Variants in GPHN observed in about 807,000 individuals in gnomAD.
GPHN encodes gephyrin.
Under a neutral mutation model 95.5 loss-of-function variants are expected in GPHN, and 17 were observed. The ratio of observed to expected loss-of-function variants is 0.18; its 90% CI spans 0.12 to 0.27. GPHN has a LOEUF of 0.27. GPHN is among the 10% of genes least tolerant of loss of function. The pLI is 1.00. For missense variants in GPHN, 660 were observed against 978.1 expected, an observed-to-expected ratio of 0.67 and a Z score of 4.34; for synonymous variants, 320 against 322.5, an observed-to-expected ratio of 0.99 and a Z score of 0.08.
intron 3 of GPHN, among the ~76,000 whole-genome samples, chr14:66,805,331 C>A (rs2060504326): frequency 6.6e-6 from 1 of 152,164 alleles, no homozygotes; most frequent in Non-Finnish European, 1.5e-5. Context: ...TGGGGGAATT[C>A]AAGATGAAAT....
At chr14:66,737,037 G>A (rs2072358008) in intron 2 of GPHN, among the ~76,000 whole-genome samples, 1 of 152,042 alleles carries the variant, frequency 6.6e-6, no homozygotes, top group South Asian at 2.1e-4. Flanking sequence ...GGGAACCCTG[G>A]TTGGTTATTT....
intron 3 of GPHN, among the ~76,000 whole-genome samples, chr14:66,814,504 C>G (rs183154318): frequency 5.4e-4 from 82 of 152,264 alleles, no homozygotes; most frequent in African/African-American, 1.9e-3. Flanking sequence ...TGCAAGTCCC[C>G]CAGAGTTAGA....
chr14:67,176,428 C>G (rs754856370), intron 21 of GPHN, among the ~76,000 whole-genome samples: 1 of 152,106 alleles, frequency 6.6e-6, no homozygotes, highest in Non-Finnish European at 1.5e-5. Flanking sequence ...GGATGAAGCC[C>G]ACTTGATCGT....
the GPHN span, among the ~76,000 whole-genome samples, chr14:67,203,458 G>C: frequency 6.6e-6 from 1 of 152,202 alleles, no homozygotes; most frequent in South Asian, 2.1e-4. Flanking sequence ...GTGAAATCAT[G>C]TATGACAATG....
intron 18 of GPHN, among the ~76,000 whole-genome samples, chr14:67,153,461 T>C (rs1266054597): frequency 6.6e-6 from 1 of 152,204 alleles, no homozygotes; most frequent in African/African-American, 2.4e-5. Context: ...GCTAACTCTC[T>C]GGCCTCTTCT....
chr14:67,507,295 G>A, the GPHN span, among the ~76,000 whole-genome samples: 1 of 152,190 alleles, frequency 6.6e-6, no homozygotes, highest in Non-Finnish European at 1.5e-5. Flanking sequence ...GCTACAGTGA[G>A]CTATGATTAT....
the GPHN span, chr14:67,714,982 A>G: frequency 6.6e-6 from 1 of 152,294 alleles, no homozygotes; most frequent in Non-Finnish European, 1.5e-5. Context: ...TAAAGGCAAG[A>G]TTCTTGCTGA....
intron 1 of GPHN, among the ~76,000 whole-genome samples, chr14:66,663,516 A>G (rs948553370): frequency 1.3e-5 from 2 of 152,232 alleles, no homozygotes; most frequent in Non-Finnish European, 2.9e-5. Flanking sequence ...CAGCCACTAC[A>G]AAAGCACACT....
intron 2 of GPHN, among the ~76,000 whole-genome samples, chr14:66,771,038 T>G (rs965637435): frequency 6.6e-6 from 1 of 152,110 alleles, no homozygotes; most frequent in Non-Finnish European, 1.5e-5. Flanking sequence ...TCTCAGTTCT[T>G]TCACCATCTT....
chr14:67,139,103 A>C (rs1335177830), intron 17 of GPHN, among the ~76,000 whole-genome samples: 1 of 151,580 alleles, frequency 6.6e-6, no homozygotes, highest in Middle Eastern at 3.2e-3. Flanking sequence ...GACATTTGTA[A>C]TCCCAGATGC....
At chr14:66,876,367 A>G (rs1199644683) in intron 4 of GPHN, among the ~76,000 whole-genome samples, 1 of 152,166 alleles carries the variant, frequency 6.6e-6, no homozygotes. Flanking sequence ...AACAAATTCA[A>G]AAGCTAGCAG....
rs530042373 is a variant in GPHN, at chr14:66,585,246, A to AT, written c.64+76661dup. 1.9e-3 allele frequency among the ~76,000 whole-genome samples: 283 copies of AT among 151,900 alleles called. 3 individuals are homozygous for AT. Among genetic ancestry groups the AT allele is most frequent in the African/African-American group, 6.7e-3 (277 of 41,410 alleles). ...GATCGGTGATGATATCCCCTTTGTT[A>AT]TTTTTTGTCACGTCTATTTGATTCT... On this transcript the variant is annotated intron_variant, in intron 1 of 22. Transcript: ENST00000478722.
At chr14:67,026,381 GATA>G (rs1284075885) in intron 10 of GPHN, among the ~76,000 whole-genome samples, 2 of 152,128 alleles carry the variant, frequency 1.3e-5, no homozygotes, top group East Asian at 1.9e-4. Flanking sequence ...TTATTTTCTT[GATA>G]ATGATGATGA....
chr14:67,625,382 T>C, the GPHN span, among the ~76,000 whole-genome samples: 1 of 152,040 alleles, frequency 6.6e-6, no homozygotes, highest in African/African-American at 2.4e-5. Context: ...CAAAGAGCAC[T>C]ATTAAGAAAG....
At chr14:67,076,495 A>C (rs1285755903) in intron 11 of GPHN, among the ~76,000 whole-genome samples, 1 of 152,140 alleles carries the variant, frequency 6.6e-6, no homozygotes, top group East Asian at 1.9e-4. Flanking sequence ...AAATCTGTAC[A>C]TGCTTCACCT....
chr14:66,854,609 T>C lies in GPHN; in HGVS notation c.295-25330T>C, dbSNP rs569060716. Among the ~76,000 whole-genome samples the C allele has an allele frequency of 2.0e-5, 3 of 152,346 alleles. No homozygotes were observed. In the South Asian group the frequency reaches 6.2e-4, roughly 32 times the overall value. On this transcript the variant is annotated intron_variant, in intron 4 of 22. Transcript: ENST00000478722. ...CATGGCAATTTTTTGAAAGGTGTTA[T>C]GCAAAGTCTCAACATATACCATTAA...
intron 10 of GPHN, among the ~76,000 whole-genome samples, chr14:67,034,565 C>T (rs1055458963): frequency 3.3e-5 from 5 of 151,934 alleles, no homozygotes; most frequent in Non-Finnish European, 7.4e-5. Context: ...GATGTAAAGA[C>T]ACATATAGGC....
At chr14:66,878,134 C>G (rs2063754386) in intron 4 of GPHN, among the ~76,000 whole-genome samples, 1 of 152,160 alleles carries the variant, frequency 6.6e-6, no homozygotes, top group Admixed American at 6.6e-5. Flanking sequence ...AAAGAATTTT[C>G]TATTTAATAA....
Position 67,168,974 on chromosome 14 carries a change from G to A in GPHN, c.2017G>A (p.Val673Met), listed in dbSNP as rs997868255. 1.9e-6 allele frequency: 3 copies of A among 1,613,508 alleles called. No homozygotes were observed. In the African/African-American group the frequency reaches 4.0e-5, roughly 22 times the overall value. ...TGTGGTCACCTGCAATCTCTTTGTT[G>A]TGCCTGCACTGAGGAAAATGCAGGG... is the stretch of plus-strand genomic sequence containing the variant. ...SAVVTCNLFVVPALRKMQGIL... is the reference protein window; with the variant it reads ...SAVVTCNLFVMPALRKMQGIL... Residue 673 changes from valine (V) to methionine (M), a missense_variant, in exon 21 of 23, where the codon GTG becomes ATG. Physicochemically the swap from Val to Met is conservative, Grantham distance 21 (BLOSUM62 1). Coordinates refer to ENST00000478722, the MANE Select transcript of GPHN (RefSeq NM_020806.5).
Sources: allele counts gnomAD v4.1 joint callset (sites outside exome capture counted in the v4.1 genomes callset), GRCh38; gene constraint gnomAD v4.1.1; transcripts MANE v1.5; gene names NCBI Gene and HGNC (gene_info 2026-07-23, HGNC 2026-07-21).